The following NBAS variants were observed in gnomAD, a reference collection of about 807,000 sequenced individuals.
The protein encoded by NBAS is NBAS subunit of NRZ tethering complex.
In NBAS, 219 loss-of-function variants were observed where a neutral mutation model predicts 302.5. The observed-to-expected ratio is 0.72, with a 90% CI of 0.65 to 0.81. The LOEUF is 0.81. Ranked by LOEUF, NBAS falls within the 30% of genes least tolerant of loss-of-function variation. NBAS has a pLI of 0.00. For missense variants in NBAS, 2,932 were observed against 2,841.6 expected (o/e 1.03, Z -0.72); for synonymous variants, 1,118 against 1,021.6 (o/e 1.09, Z -1.80).
the NBAS span, among the ~76,000 whole-genome samples, chr2:14,798,740 G>GT: frequency 3.9e-5 from 6 of 151,910 alleles, no homozygotes; most frequent in African/African-American, 1.4e-4. Context: ...AGATACAAGT[G>GT]TATCTTAAAA....
chr2:15,478,862 T>C (rs986138300), intron 12 of NBAS, among the ~76,000 whole-genome samples: 1 of 152,214 alleles, frequency 6.6e-6, no homozygotes, highest in African/African-American at 2.4e-5. Flanking sequence ...TAACAGCACA[T>C]TGATATCTCT....
intron 44 of NBAS, among the ~76,000 whole-genome samples, chr2:15,258,980 T>C (rs556523682): frequency 6.6e-6 from 1 of 152,248 alleles, no homozygotes; most frequent in Admixed American, 6.5e-5. Flanking sequence ...AGCTGTAAAA[T>C]TCCTCTCTTT....
At chr2:15,124,973 C>G in the NBAS span, among the ~76,000 whole-genome samples, 8 of 152,240 alleles carry the variant, frequency 5.3e-5, no homozygotes, top group East Asian at 3.9e-4. Flanking sequence ...GAGTCCCCAC[C>G]GGAGCACTGC....
chr2:14,947,183 G>A, the NBAS span, among the ~76,000 whole-genome samples: 1 of 151,814 alleles, frequency 6.6e-6, no homozygotes, highest in African/African-American at 2.4e-5. Context: ...AGAAATTAAT[G>A]AAATTGAGAC....
chr2:15,097,498 C>A, the NBAS span, among the ~76,000 whole-genome samples: 2 of 152,118 alleles, frequency 1.3e-5, no homozygotes, highest in Non-Finnish European at 2.9e-5. Flanking sequence ...GGCTGATAAA[C>A]CACAGAAATT....
At chr2:15,502,375 G>A (rs976906450) in intron 11 of NBAS, among the ~76,000 whole-genome samples, 1 of 152,156 alleles carries the variant, frequency 6.6e-6, no homozygotes, top group African/African-American at 2.4e-5. Flanking sequence ...TTAACAACAG[G>A]GAGATGTTCT....
chr2:15,293,044 AAAC>A (rs886964276), intron 40 of NBAS, among the ~76,000 whole-genome samples: 74 of 152,300 alleles, frequency 4.9e-4, no homozygotes, highest in African/African-American at 1.7e-3. Flanking sequence ...AACACTTAAA[AAAC>A]AATATATTCT....
chr2:15,367,739 G>T (rs1054679489), intron 31 of NBAS, among the ~76,000 whole-genome samples: 1 of 152,182 alleles, frequency 6.6e-6, no homozygotes, highest in Non-Finnish European at 1.5e-5. Flanking sequence ...AGGGACGGGG[G>T]AGATAAAGAA....
chr2:15,264,628 GT>G (rs1250791063), intron 44 of NBAS, among the ~76,000 whole-genome samples: 1 of 152,194 alleles, frequency 6.6e-6, no homozygotes. Context: ...GAAAGCAAGA[GT>G]TTAGGAGCGC....
chr2:15,057,739 T>C, the NBAS span, among the ~76,000 whole-genome samples: 43 of 152,368 alleles, frequency 2.8e-4, no homozygotes, highest in East Asian at 7.9e-3. Context: ...ATTCAGATCA[T>C]TGCAAATGCT....
chr2:15,434,771 A>G (rs1265723422), intron 21 of NBAS, among the ~76,000 whole-genome samples: 1 of 152,192 alleles, frequency 6.6e-6, no homozygotes, highest in Non-Finnish European at 1.5e-5. Flanking sequence ...GGGAATATAT[A>G]TTAAATGTGG....
chr2:15,238,669 A>G lies in NBAS; in HGVS notation c.5742T>C (p.Arg1914=). 2.5e-6 allele frequency: 4 copies of G among 1,594,370 alleles called. No homozygotes were observed. Among genetic ancestry groups the G allele is most frequent in the Non-Finnish European group, 3.4e-6 (4 of 1,175,358 alleles). Residue 1914 remains arginine (R), a synonymous_variant, in exon 45 of 52, where the codon CGT becomes CGC. Coordinates refer to ENST00000281513, the MANE Select transcript of NBAS (RefSeq NM_015909.4). ...TAATAGCCTTTCTAGTCATCTCTTT[A>G]CGGGCTTCCACAGACAGCTTAAAAA... ...KAVTKLSVEA[R]KEMTRKAIKT... is the part of the protein sequence containing the mutation.
chr2:15,465,893 T>C (rs1164266160), intron 19 of NBAS, among the ~76,000 whole-genome samples: 2 of 152,136 alleles, frequency 1.3e-5, no homozygotes. Context: ...TTAGAGAAAC[T>C]AAGGCTAAGT....
intron 50 of NBAS, 134 bp downstream of exon 50, chr2:15,186,608 T>A: frequency 7.6e-7 from 1 of 1,314,834 alleles, no homozygotes; most frequent in African/African-American, 1.5e-5. Flanking sequence ...ATCTGATCCA[T>A]CAGAAATTAT....
the NBAS span, among the ~76,000 whole-genome samples, chr2:14,997,408 G>A: frequency 6.7e-6 from 1 of 150,006 alleles, no homozygotes; most frequent in Non-Finnish European, 1.5e-5. Context: ...AACTAGTTCA[G>A]CTCAACATTT....
chr2:15,461,457 T>C, intron 20 of NBAS, 120 bp from the exon 21 acceptor site: 6 of 1,049,106 alleles, frequency 5.7e-6, no homozygotes, highest in Non-Finnish European at 8.7e-6. Context: ...CACCTTGAAA[T>C]GACCCTAGTT....
At position 15,511,358 on chromosome 2, in the gene NBAS, G is replaced by A; in HGVS notation, c.747-8C>T. On this transcript the variant is annotated splice_region_variant and splice_polypyrimidine_tract_variant and intron_variant, in intron 9 of 51. Transcript: ENST00000281513. Reference sequence around the variant, plus strand: ...CCACCAACAAGTAAAAGTCTAAAAAGGAGAAAATTTTTAAAAATCGATAAA... The same window carrying A: ...CCACCAACAAGTAAAAGTCTAAAAAAGAGAAAATTTTTAAAAATCGATAAA... The A allele has an allele frequency of 6.2e-7, 1 of 1,612,706 alleles. No homozygotes were observed.
intron 31 of NBAS, among the ~76,000 whole-genome samples, chr2:15,373,031 G>T (rs1226398999): frequency 6.6e-6 from 1 of 152,022 alleles, no homozygotes; most frequent in Admixed American, 6.6e-5. Flanking sequence ...ACAGAGCAAA[G>T]GTTTCATAGT....
At chr2:14,927,009 G>C in the NBAS span, among the ~76,000 whole-genome samples, 2 of 152,168 alleles carry the variant, frequency 1.3e-5, no homozygotes, top group Admixed American at 6.5e-5. Context: ...TCATAATACA[G>C]CTGGGCCTCA....
Sources: allele counts gnomAD v4.1 joint callset (sites outside exome capture counted in the v4.1 genomes callset), GRCh38; gene constraint gnomAD v4.1.1; transcripts MANE v1.5; gene names NCBI Gene and HGNC (gene_info 2026-07-23, HGNC 2026-07-21).